Variants in CD46 observed in about 807,000 individuals in gnomAD.
The protein encoded by CD46 is CD46 molecule.
CD46 carries 30 observed loss-of-function variants against 53.3 expected under a neutral mutation model. That is an observed-to-expected ratio of 0.56 (90% CI 0.42 to 0.76). The LOEUF (loss-of-function observed/expected upper bound fraction) is 0.76, where lower values mean the gene tolerates loss of function less well. Among genes scored for constraint, CD46 ranks in the 30% least tolerant of loss-of-function variants. CD46 has a pLI of 0.00. For missense variants in CD46, 409 were observed against 463.0 expected (o/e 0.88, Z 1.07); for synonymous variants, 142 against 152.0 (o/e 0.93, Z 0.48).
Position 207,770,333 on chromosome 1 carries a change from C to A in CD46, c.914C>A (p.Thr305Asn). 1 of 1,605,534 alleles carries A rather than the reference C, an allele frequency of 6.2e-7. No individual in the cohort carries two copies. The highest frequency in any genetic ancestry group is 8.5e-7 in the Non-Finnish European group (1 of 1,172,582). Residue 305 changes from threonine (T) to asparagine (N), a missense_variant, in exon 8 of 13, where the codon ACT (threonine) becomes AAT (asparagine). By Grantham distance (65) the Thr-to-Asn change is moderately conservative. Transcript: ENST00000367042. ...PASSASGPRP[T>N]YKPPVSNYPG... ...CTTATTTTTCTAGGTCCTAGGCCTA[C>A]TTACAAGCCTCCAGTCTCAAATTAT...
chr1:207,786,015 G>A (rs1037211573), intron 11 of CD46: 1 of 222,204 alleles, frequency 4.5e-6, no homozygotes, highest in Non-Finnish European at 9.1e-6. Flanking sequence ...TTCCAAAATT[G>A]CACTAATGGC....
chr1:207,780,938 C>T lies in CD46; in HGVS notation c.944-2354C>T, dbSNP rs1416128053. 5.3e-5 allele frequency among the ~76,000 whole-genome samples: 8 copies of T among 151,390 alleles called. No homozygotes were observed. In the South Asian group the frequency reaches 6.3e-4, roughly 12 times the overall value. ...ATCACATGGTGGAAAGGAAAAGAGA[C>T]GGTGAGAGAGAGAGTAAGAGGGACA... On this transcript the variant is annotated intron_variant, in intron 8 of 12. Transcript: ENST00000367042.
chr1:207,759,769 A>G, intron 4 of CD46, 45 bp downstream of exon 4: 1 of 1,175,800 alleles, frequency 8.5e-7, no homozygotes, highest in Non-Finnish European at 1.3e-6. Flanking sequence ...TAGTCCTCAA[A>G]GATTTTTGCC....
At chr1:207,781,912 T>C (rs554552104) in intron 8 of CD46, among the ~76,000 whole-genome samples, 118 of 149,858 alleles carry the variant, frequency 7.9e-4, no homozygotes, top group African/African-American at 2.6e-3. Context: ...AGATTTCATA[T>C]GTATTTTGGA....
rs376718258 is a variant in CD46, at chr1:207,753,796, C to T, written c.97+1487C>T. Among the ~76,000 whole-genome samples, 30 of 152,318 alleles carry T rather than the reference C, an allele frequency of 2.0e-4. No homozygotes were observed. In the East Asian group the frequency reaches 2.7e-3, roughly 14 times the overall value. On this transcript the variant is annotated intron_variant, in intron 1 of 12. Coordinates refer to ENST00000367042, the MANE Select transcript of CD46 (RefSeq NM_172351.3). ...TTTGTTTCTGCCTTCATGTGCGCGT[C>T]ATGTGTATCTATGTCCAAATTATAT... is the stretch of plus-strand genomic sequence containing the variant.
intron 1 of CD46, among the ~76,000 whole-genome samples, chr1:207,754,413 A>G (rs948140965): frequency 6.6e-6 from 1 of 152,102 alleles, no homozygotes; most frequent in South Asian, 2.1e-4. Context: ...GAACACATAC[A>G]ACCCAGTTCA....
At chr1:207,763,668 A>G (rs959819084) in intron 5 of CD46, among the ~76,000 whole-genome samples, 3 of 151,900 alleles carry the variant, frequency 2.0e-5, no homozygotes, top group Non-Finnish European at 4.4e-5. Context: ...TTTATCTCTG[A>G]ATATTTTTTA....
intron 8 of CD46, among the ~76,000 whole-genome samples, chr1:207,774,686 T>C (rs1442415392): frequency 2.0e-5 from 3 of 152,228 alleles, no homozygotes; most frequent in Non-Finnish European, 2.9e-5. Flanking sequence ...AAAATTATTT[T>C]CTTTAAGAAT....
chr1:207,752,135 G>A lies in CD46; in HGVS notation c.-78G>A, dbSNP rs894416671. 9 of 1,330,532 alleles carry A rather than the reference G, an allele frequency of 6.8e-6. No individual in the cohort carries two copies. Among genetic ancestry groups the A allele is most frequent in the Non-Finnish European group, 9.7e-6 (9 of 929,812 alleles). 82.4% of individuals were successfully genotyped at this position (1,330,532 alleles called of 1,614,324 possible). A position where few individuals can be genotyped will look rare whatever the true frequency, so the allele number is the denominator to read the frequency against. ...TTGTTGCGTCCCATATCTGGACCCA[G>A]AAGGGACTTCCCTGCTCGGCTGGCT... On this transcript the variant is annotated 5_prime_UTR_variant, in exon 1 of 13. Transcript: ENST00000367042. This position sits in a 1 kb window ranked among gnomAD's most constrained non-coding sequence, Gnocchi z 4.1.
chr1:207,764,200 G>T (rs1231919357), intron 5 of CD46, among the ~76,000 whole-genome samples: 3 of 152,174 alleles, frequency 2.0e-5, no homozygotes, highest in Non-Finnish European at 4.4e-5. Context: ...CCTGCTCTGG[G>T]CACGGACTGA....
Position 207,757,754 on chromosome 1 carries a change from T to C in CD46, c.389+112T>C. ...ATTTTGCTTTCTATGTGACAAGTTA[T>C]ACTTCTAGCCAAACAACTCTTGGAT... is the stretch of plus-strand genomic sequence containing the variant. On this transcript the variant is annotated intron_variant, in intron 3 of 12. Transcript: ENST00000367042. The C allele has an allele frequency of 4.1e-6, 3 of 726,650 alleles. 1 individual carries two copies. The highest frequency in any genetic ancestry group is 3.0e-5 in the South Asian group (2 of 67,154). 45.0% of individuals were successfully genotyped at this position (726,650 alleles called of 1,614,324 possible).
intron 8 of CD46, among the ~76,000 whole-genome samples, chr1:207,782,294 A>T (rs1354372321): frequency 6.6e-6 from 1 of 152,318 alleles, no homozygotes; most frequent in Admixed American, 6.5e-5. Flanking sequence ...GAATTCATTT[A>T]TTAGTTCTAA....
At position 207,783,303 on chromosome 1, in the gene CD46, C is replaced by T; in HGVS notation, c.955C>T (p.Pro319Ser). Reference protein sequence around the residue: ...PVSNYPGYPKPEEGILDSLDV... With the variant: ...PVSNYPGYPKSEEGILDSLDV... ...TTCTTTTTTCCTAGGATATCCTAAA[C>T]CTGAGGAAGGAATACTTGACAGTTT... The change falls in exon 9 of 13, where the codon CCT becomes TCT. Residue 319 changes from proline (P) to serine (S), a missense_variant. By Grantham distance (74) the Pro-to-Ser change is moderately conservative. Transcript: ENST00000367042. The T allele has an allele frequency of 6.6e-7, 1 of 1,514,656 alleles. No individual in the cohort carries two copies. The highest frequency in any genetic ancestry group is 9.2e-7 in the Non-Finnish European group (1 of 1,090,848). 93.8% of individuals were successfully genotyped at this position (1,514,656 alleles called of 1,614,324 possible).
Position 207,752,257 on chromosome 1 carries a change from C to T in CD46, c.45C>T (p.Arg15=), listed in dbSNP as rs1654995619. The T allele has an allele frequency of 6.2e-7, 1 of 1,614,056 alleles. No individual in the cohort carries two copies. Among genetic ancestry groups the T allele is most frequent in the African/African-American group, 1.3e-5 (1 of 74,946 alleles). ...GCGAGTGTCCCTTTCCTTCCTGGCG[C>T]TTTCCTGGGTTGCTTCTGGCGGCCA... ...GRRECPFPSW[R]FPGLLLAAMV... is the part of the protein sequence containing the mutation. The change falls in exon 1 of 13, where the codon CGC becomes CGT. Residue 15 remains arginine, a synonymous_variant. Coordinates refer to ENST00000367042, the MANE Select transcript of CD46 (RefSeq NM_172351.3). This position sits in a 1 kb window ranked among gnomAD's most constrained non-coding sequence, Gnocchi z 4.1.
chr1:207,779,911 G>GTTTTTTTTTTTTTTTTTT (rs1163376440), intron 8 of CD46, among the ~76,000 whole-genome samples: 3 of 25,816 alleles, frequency 1.2e-4, no homozygotes, highest in East Asian at 5.3e-3. Context: ...GCAAAAGCAA[G>GTTTTTTTTTTTTTTTTTT]TCTTTTTTTT....
At position 207,793,814 on chromosome 1, in the gene CD46, G is replaced by T; in HGVS notation, c.*337G>T. 1.6e-6 allele frequency: 1 copy of T among 607,730 alleles called. No homozygotes were observed. The allele number at this position is 607,730 out of a possible 1,614,324, so 37.6% of individuals were successfully genotyped here. On this transcript the variant is annotated 3_prime_UTR_variant, in exon 13 of 13. Transcript: ENST00000367042. The stretch of plus-strand genomic sequence containing the variant: ...CCTTAAATAACACTTAGATTTATTG[G>T]ACCAGTCAGCACAGCATGCCTGGTT...
At chr1:207,793,336 GT>G (rs201816656) in intron 12 of CD46, among the ~76,000 whole-genome samples, 182 bp from the exon 13 acceptor site, 1 of 151,872 alleles carries the variant, frequency 6.6e-6, no homozygotes, top group East Asian at 1.9e-4. Flanking sequence ...ATAAAGGAAG[GT>G]TTTTTTTACA....
intron 8 of CD46, among the ~76,000 whole-genome samples, chr1:207,776,708 A>T (rs935018204): frequency 2.0e-5 from 3 of 152,220 alleles, no homozygotes; most frequent in Admixed American, 6.5e-5. Flanking sequence ...GGCACACTGC[A>T]GCCTCAACCT....
chr1:207,772,346 A>G (rs1657605362), intron 8 of CD46, among the ~76,000 whole-genome samples: 1 of 152,184 alleles, frequency 6.6e-6, no homozygotes, highest in South Asian at 2.1e-4. Context: ...GTCATCTGCA[A>G]ACAGAGACAA....
Sources: gnomAD v4.1 joint callset for allele counts (sites outside exome capture counted in the v4.1 genomes callset) on GRCh38, gnomAD v4.1.1 for gene constraint, Gnocchi (gnomAD v3.1) non-coding constraint, MANE v1.5 for transcripts, NCBI Gene and HGNC (gene_info 2026-07-23, HGNC 2026-07-21) for gene names.